The following PHYHIPL variants were observed in gnomAD, a reference collection of about 807,000 sequenced individuals.
PHYHIPL encodes the protein phytanoyl-CoA hydroxylase-interacting protein-like.
In PHYHIPL, 9 loss-of-function variants were observed where a neutral mutation model predicts 33.4. The observed-to-expected ratio is 0.27, with a 90% CI of 0.16 to 0.47. PHYHIPL has a LOEUF of 0.47. Among genes scored for constraint, PHYHIPL ranks in the 20% least tolerant of loss-of-function variants. The pLI is 0.99. For synonymous variants in PHYHIPL, 153 were observed against 154.1 expected (o/e 0.99, Z 0.05); for missense variants, 365 against 460.7 (o/e 0.79, Z 1.90).
intron 1 of PHYHIPL, chr10:59,177,281 C>A (rs994209769): frequency 9.8e-6 from 6 of 613,728 alleles, no homozygotes; most frequent in Non-Finnish European, 1.6e-5. Flanking sequence ...CGATCTTTGC[C>A]GCAGTCCGGA....
At chr10:59,173,921 G>GTTTTTTTTTTTT (rs368316005), upstream of PHYHIPL, among the ~76,000 whole-genome samples, 19 of 57,552 alleles carry the variant, frequency 3.3e-4, 2 homozygotes, top group African/African-American at 6.3e-4. Flanking sequence ...TACTTCTGAG[G>GTTTTTTTTTTTT]TTTTTTTTTT....
chr10:59,232,451 C>T (rs927422417), intron 1 of PHYHIPL, among the ~76,000 whole-genome samples: 3 of 151,760 alleles, frequency 2.0e-5, no homozygotes, highest in African/African-American at 7.2e-5. Flanking sequence ...AACATTTTTT[C>T]TCTCGAATTT....
intron 1 of PHYHIPL, among the ~76,000 whole-genome samples, chr10:59,201,016 A>T (rs1839090218): frequency 6.6e-6 from 1 of 152,026 alleles, no homozygotes; most frequent in Non-Finnish European, 1.5e-5. Context: ...CAGCTCCTGG[A>T]TTCATTGATA....
At chr10:59,239,666 C>T (rs1840333004) in intron 4 of PHYHIPL, among the ~76,000 whole-genome samples, 1 of 151,984 alleles carries the variant, frequency 6.6e-6, no homozygotes, top group South Asian at 2.1e-4. Context: ...AGAACTCTAT[C>T]CTGCAGGTAG....
chr10:59,177,456 C>T (rs1690545842), intron 1 of PHYHIPL: 2 of 1,518,122 alleles, frequency 1.3e-6, no homozygotes, highest in African/African-American at 1.4e-5. Flanking sequence ...GTCTTTTTAG[C>T]CTCTTGGATT....
At chr10:59,236,365 C>T (rs1840229698) in intron 2 of PHYHIPL, 118 bp from the exon 3 acceptor site, 2 of 503,272 alleles carry the variant, frequency 4.0e-6, no homozygotes, top group African/African-American at 2.0e-5. Context: ...TTCCCTTCTT[C>T]CTTCCCTCCT....
At chr10:59,184,984 ATTTTTT>A (rs34336392) in intron 1 of PHYHIPL, among the ~76,000 whole-genome samples, 1 of 92,110 alleles carries the variant, frequency 1.1e-5, no homozygotes, top group Non-Finnish European at 2.0e-5. Flanking sequence ...TGAACTCATC[ATTTTTT>A]TTTTTTTTTT....
intron 1 of PHYHIPL, among the ~76,000 whole-genome samples, chr10:59,200,270 C>T (rs562265830): frequency 2.0e-5 from 3 of 152,120 alleles, no homozygotes; most frequent in East Asian, 3.9e-4. Context: ...GCATGAAGCG[C>T]TGTTGAATTT....
chr10:59,187,278 G>GT (rs1838635938), intron 1 of PHYHIPL, among the ~76,000 whole-genome samples: 1 of 152,114 alleles, frequency 6.6e-6, no homozygotes, highest in East Asian at 1.9e-4. Flanking sequence ...ATTGATTTGC[G>GT]TATGTTGAAC....
intron 1 of PHYHIPL, among the ~76,000 whole-genome samples, chr10:59,222,892 G>A (rs190359364): frequency 3.9e-5 from 6 of 152,230 alleles, no homozygotes; most frequent in Middle Eastern, 3.4e-3. Flanking sequence ...CATGCCAGAT[G>A]TATTAGATGT....
rs531386153 is a variant in PHYHIPL at position 59,210,763 on chromosome 10, C to T, written c.107-23541C>T. 1.2e-4 allele frequency among the ~76,000 whole-genome samples: 18 copies of T among 152,236 alleles called. No homozygotes were observed. In the South Asian group the frequency reaches 2.3e-3, roughly 19 times the overall value. ...GTGGCCATAAAAAAGGAACAGTTCA[C>T]GTCCTTTGCAGGGACTTGAGTGAAA... is the stretch of plus-strand genomic sequence containing the variant. On this transcript the variant is annotated intron_variant, in intron 1 of 4. Transcript: ENST00000373880.
chr10:59,174,335 T>C (rs1838216273), upstream of PHYHIPL, among the ~76,000 whole-genome samples: 1 of 152,172 alleles, frequency 6.6e-6, no homozygotes, highest in African/African-American at 2.4e-5. Flanking sequence ...TATCAATCTC[T>C]GACTAAATCC....
intron 1 of PHYHIPL, among the ~76,000 whole-genome samples, chr10:59,216,825 T>C (rs1839627193): frequency 6.6e-6 from 1 of 152,086 alleles, no homozygotes; most frequent in Admixed American, 6.6e-5. Flanking sequence ...AAGTAAGGGC[T>C]TTATAAATTT....
At chr10:59,225,374 G>A (rs1162293936) in intron 1 of PHYHIPL, among the ~76,000 whole-genome samples, 1 of 151,684 alleles carries the variant, frequency 6.6e-6, no homozygotes, top group Non-Finnish European at 1.5e-5. Flanking sequence ...AGTGAAGGAT[G>A]GACAGCTAGC....
At chr10:59,177,774 T>C (rs1838293766) in intron 1 of PHYHIPL, among the ~76,000 whole-genome samples, 1 of 152,226 alleles carries the variant, frequency 6.6e-6, no homozygotes, top group Admixed American at 6.5e-5. Flanking sequence ...CTGGGTTAGC[T>C]GGACTAGTTA....
At chr10:59,227,055 C>A (rs781578606) in intron 1 of PHYHIPL, among the ~76,000 whole-genome samples, 10 of 152,096 alleles carry the variant, frequency 6.6e-5, no homozygotes, top group South Asian at 2.1e-4. Context: ...GGAGAACTAA[C>A]AATTATTCCA....
intron 1 of PHYHIPL, among the ~76,000 whole-genome samples, chr10:59,199,262 G>C (rs1477423591): frequency 6.6e-6 from 1 of 152,230 alleles, no homozygotes; most frequent in African/African-American, 2.4e-5. Flanking sequence ...TCCAGTTTCA[G>C]CTTTCTACAT....
Position 59,245,269 on chromosome 10 carries a change from A to ACTT in PHYHIPL, c.812_814dup (p.Phe271dup), listed in dbSNP as rs1372417561. On this transcript the variant is annotated inframe_insertion, in exon 5 of 5. Coordinates refer to ENST00000373880, the MANE Select transcript of PHYHIPL (RefSeq NM_032439.4). Reference sequence around the variant, plus strand: ...CCCAATACTAACTTATACTTTGGGGACTTCTACTGTATGTACACTGCTTAT... The same window carrying ACTT: ...CCCAATACTAACTTATACTTTGGGGACTTCTTCTACTGTATGTACACTGCTTAT... The ACTT allele has an allele frequency of 6.2e-7, 1 of 1,614,098 alleles. No individual in the cohort carries two copies. The highest frequency in any genetic ancestry group is 8.5e-7 in the Non-Finnish European group (1 of 1,179,968).
intron 1 of PHYHIPL, among the ~76,000 whole-genome samples, chr10:59,201,468 T>G (rs1839113648): frequency 6.6e-6 from 1 of 152,196 alleles, no homozygotes; most frequent in Non-Finnish European, 1.5e-5. Flanking sequence ...GAAGAGAGCT[T>G]TACTTCCAAC....
Sources: gnomAD v4.1 joint callset for allele counts (sites outside exome capture counted in the v4.1 genomes callset) on GRCh38, gnomAD v4.1.1 for gene constraint, MANE v1.5 for transcripts, NCBI Gene and HGNC (gene_info 2026-07-23, HGNC 2026-07-21) for gene names.